The following TMEM192 variants were observed in gnomAD, a reference collection of about 807,000 sequenced individuals.
TMEM192 encodes transmembrane protein 192.
A neutral mutation model predicts 26.7 loss-of-function variants in TMEM192; 20 were observed. The observed-to-expected ratio is 0.75, with a 90% CI of 0.53 to 1.09. The LOEUF (loss-of-function observed/expected upper bound fraction) is 1.09, where lower values mean the gene tolerates loss of function less well. TMEM192 is among the 50% of genes least tolerant of loss of function. TMEM192 has a pLI of 0.00. For missense variants in TMEM192, 304 were observed against 322.6 expected, an observed-to-expected ratio of 0.94 and a Z score of 0.44; for synonymous variants, 124 against 121.0, an observed-to-expected ratio of 1.02 and a Z score of -0.16.
At chr4:165,104,986 A>T (rs1735131562) in intron 1 of TMEM192, among the ~76,000 whole-genome samples, 1 of 152,112 alleles carries the variant, frequency 6.6e-6, no homozygotes, top group African/African-American at 2.4e-5. Flanking sequence ...TCCCTTAGCT[A>T]ATGTCTGTGC....
chr4:165,090,951 T>C (rs190445120), intron 3 of TMEM192, among the ~76,000 whole-genome samples: 7 of 113,216 alleles, frequency 6.2e-5, no homozygotes, highest in South Asian at 3.2e-4. Context: ...CCCTAGTATA[T>C]AGCTGGTAGG....
intron 3 of TMEM192, among the ~76,000 whole-genome samples, chr4:165,100,413 A>G (rs1347941176): frequency 2.0e-5 from 3 of 152,058 alleles, no homozygotes; most frequent in African/African-American, 7.2e-5. Context: ...CCACCTCAGC[A>G]TTCCAAAGTG....
intron 5 of TMEM192, 121 bp from the exon 6 acceptor site, chr4:165,079,917 G>A: frequency 1.1e-6 from 1 of 871,218 alleles, no homozygotes; most frequent in Non-Finnish European, 1.6e-6. Flanking sequence ...TTTCTTAGAT[G>A]TCAGAAGCCA....
At position 165,080,414 on chromosome 4, in the gene TMEM192, TTAAGA is replaced by T. The variant is rs1264874496; in HGVS notation, c.678-623_678-619del. Among the ~76,000 whole-genome samples the T allele has an allele frequency of 5.9e-5, 9 of 152,236 alleles. No individual in the cohort carries two copies. The East Asian group carries it at 1.5e-3, about 26-fold the overall frequency. On this transcript the variant is annotated intron_variant, in intron 5 of 5. Transcript: ENST00000306480. ...GTGTTTTTAATTTCCTTCCACTAAT[TTAAGA>T]TATTAGTACTAGGAATAGTGATGAT...
At chr4:165,100,060 G>C (rs1735002540) in intron 3 of TMEM192, among the ~76,000 whole-genome samples, 1 of 152,052 alleles carries the variant, frequency 6.6e-6, no homozygotes, top group African/African-American at 2.4e-5. Context: ...TAACAAAAGA[G>C]GGTATAATTC....
In TMEM192 at chr4:165,079,777, C is replaced by A. The variant is rs1053910124; in HGVS notation, c.697G>T (p.Glu233Ter). ...GTGTCTCCTTGCTTTTCAACAATTT[C>A]TTCTAGGCTTGAAATAGTTCTGCAA... ...TGFRTISSLE[E>*]IVEKQGDTIE... The change falls in exon 6 of 6, where the codon GAA becomes TAA. Residue 233 changes from glutamate to a stop codon, truncating the protein, a stop_gained. Transcript: ENST00000306480. LOFTEE classifies it low-confidence loss of function (END_TRUNC). The A allele has an allele frequency of 6.2e-7, 1 of 1,613,852 alleles. No individual in the cohort carries two copies. Among genetic ancestry groups the A allele is most frequent in the Non-Finnish European group, 8.5e-7 (1 of 1,179,904 alleles).
chr4:165,095,888 C>A (rs1186610851), intron 3 of TMEM192, among the ~76,000 whole-genome samples: 1 of 151,994 alleles, frequency 6.6e-6, no homozygotes, highest in Non-Finnish European at 1.5e-5. Context: ...AATTCTCCTG[C>A]CTCAGCCTCC....
intron 1 of TMEM192, among the ~76,000 whole-genome samples, chr4:165,103,706 G>A (rs71618431): frequency 6.6e-6 from 1 of 152,060 alleles, no homozygotes; most frequent in African/African-American, 2.4e-5. Flanking sequence ...ATTTTTAGTA[G>A]AGATGGGGTT....
chr4:165,077,165 AGAAAAATGTTGAT>A lies in TMEM192; in HGVS notation c.*2480_*2492del, dbSNP rs1734402038. On this transcript the variant is annotated 3_prime_UTR_variant, in exon 6 of 6. Coordinates refer to ENST00000306480, the MANE Select transcript of TMEM192 (RefSeq NM_001100389.2). ...GTTTGAAATGTTCATCATTGCATTCAGAAAAATGTTGATGATTATACAACAAACATGTTGATGA... is the reference window on the plus strand; with the variant it reads ...GTTTGAAATGTTCATCATTGCATTCAGATTATACAACAAACATGTTGATGA... 1 of 152,234 alleles carries A rather than the reference AGAAAAATGTTGAT, an allele frequency of 6.6e-6. No individual in the cohort carries two copies. Among genetic ancestry groups the A allele is most frequent in the Non-Finnish European group, 1.5e-5 (1 of 68,044 alleles). The allele number at this position is 152,234 out of a possible 1,614,324, so 9.4% of individuals were successfully genotyped here. A position where few individuals can be genotyped will look rare whatever the true frequency, so the allele number is the denominator to read the frequency against.
chr4:165,072,842 A>C lies in TMEM192; in HGVS notation c.*6816T>G, dbSNP rs546875489. 1 of 152,300 alleles carries C rather than the reference A, an allele frequency of 6.6e-6. No homozygotes were observed. The highest frequency in any genetic ancestry group is 2.1e-4 in the South Asian group (1 of 4,824). The allele number at this position is 152,300 out of a possible 1,614,324, so 9.4% of individuals were successfully genotyped here. A position where few individuals can be genotyped will look rare whatever the true frequency, so the allele number is the denominator to read the frequency against. On this transcript the variant is annotated 3_prime_UTR_variant, in exon 6 of 6. Coordinates refer to ENST00000306480, the MANE Select transcript of TMEM192 (RefSeq NM_001100389.2). Reference sequence around the variant, plus strand: ...ACCCAAGTAGTGATCTAGAAGGGGCAGTTGGACACATAAGTCTGGAGTTCA... The same window carrying C: ...ACCCAAGTAGTGATCTAGAAGGGGCCGTTGGACACATAAGTCTGGAGTTCA...
Position 165,097,493 on chromosome 4 carries a change from C to CAAAAAAAAAAAAAA in TMEM192, c.439+3121_439+3134dup. On this transcript the variant is annotated intron_variant, in intron 3 of 5. Coordinates refer to ENST00000306480, the MANE Select transcript of TMEM192 (RefSeq NM_001100389.2). ...TGGGTGACAGAGCGAGACTCCATCT[C>CAAAAAAAAAAAAAA]AAAAAAAAAAAAAAAAAGAAAAAAG... is the stretch of plus-strand genomic sequence containing the variant. Among the ~76,000 whole-genome samples, 2 of 58,990 alleles carry CAAAAAAAAAAAAAA rather than the reference C, an allele frequency of 3.4e-5. 1 individual carries two copies. Among genetic ancestry groups the CAAAAAAAAAAAAAA allele is most frequent in the African/African-American group, 1.2e-4 (2 of 16,700 alleles). 38.7% of individuals were successfully genotyped at this position (58,990 alleles called of 152,430 possible). A position where few individuals can be genotyped will look rare whatever the true frequency, so the allele number is the denominator to read the frequency against.
intron 1 of TMEM192, among the ~76,000 whole-genome samples, chr4:165,111,243 A>C (rs1332221488): frequency 6.6e-6 from 1 of 151,868 alleles, no homozygotes; most frequent in Non-Finnish European, 1.5e-5. Flanking sequence ...ACAGGCCCCC[A>C]CCACCCCACC....
At chr4:165,088,844 G>C (rs1217937775) in intron 3 of TMEM192, among the ~76,000 whole-genome samples, 2 of 151,620 alleles carry the variant, frequency 1.3e-5, no homozygotes, top group Non-Finnish European at 2.9e-5. Flanking sequence ...GTCGAGACCA[G>C]CTTAGGCAAC....
chr4:165,096,133 C>T (rs1415409829), intron 3 of TMEM192, among the ~76,000 whole-genome samples: 24 of 151,726 alleles, frequency 1.6e-4, no homozygotes, highest in East Asian at 4.0e-4. Context: ...TTAGGCCGGG[C>T]GCAGTGGCTC....
At position 165,077,005 on chromosome 4, in the gene TMEM192, T is replaced by C. The variant is rs1283996853; in HGVS notation, c.*2653A>G. 6.6e-6 allele frequency: 1 copy of C among 152,230 alleles called. No individual in the cohort carries two copies. Among genetic ancestry groups the C allele is most frequent in the Non-Finnish European group, 1.5e-5 (1 of 68,056 alleles). The allele number at this position is 152,230 out of a possible 1,614,324, so 9.4% of individuals were successfully genotyped here. A position where few individuals can be genotyped will look rare whatever the true frequency, so the allele number is the denominator to read the frequency against. ...TAGTAAAGATGGGGTTTTACTATGTTGGCCAGGCTGGTCTTGAGCTCCTAA... is the reference window on the plus strand; with the variant it reads ...TAGTAAAGATGGGGTTTTACTATGTCGGCCAGGCTGGTCTTGAGCTCCTAA... On this transcript the variant is annotated 3_prime_UTR_variant, in exon 6 of 6. Coordinates refer to ENST00000306480, the MANE Select transcript of TMEM192 (RefSeq NM_001100389.2).
chr4:165,109,246 G>A (rs187474203), intron 1 of TMEM192, among the ~76,000 whole-genome samples: 16 of 152,292 alleles, frequency 1.1e-4, no homozygotes, highest in Non-Finnish European at 1.9e-4. Flanking sequence ...TATGTCCTTT[G>A]TGCTTTTAAC....
In TMEM192 at chr4:165,095,640, T is replaced by C. The variant is rs542066015; in HGVS notation, c.439+4988A>G. Among the ~76,000 whole-genome samples the C allele has an allele frequency of 5.9e-5, 9 of 152,314 alleles. No individual in the cohort carries two copies. The East Asian group carries it at 1.7e-3, about 29-fold the overall frequency. On this transcript the variant is annotated intron_variant, in intron 3 of 5. Coordinates refer to ENST00000306480, the MANE Select transcript of TMEM192 (RefSeq NM_001100389.2). ...TCCTCAGCCTCTGGCTTTACACTTT[T>C]AGGCCCCAGAGAGACTGACTGGACC...
intron 3 of TMEM192, among the ~76,000 whole-genome samples, chr4:165,091,454 T>C (rs1734761440): frequency 6.6e-6 from 1 of 152,122 alleles, no homozygotes; most frequent in Non-Finnish European, 1.5e-5. Context: ...ACCCAGATGG[T>C]TTCTGCTGAA....
chr4:165,091,037 G>A (rs1017941342), intron 3 of TMEM192, among the ~76,000 whole-genome samples: 1 of 151,736 alleles, frequency 6.6e-6, no homozygotes, highest in South Asian at 2.1e-4. Flanking sequence ...AGGATGAGGC[G>A]GGCGGATCAC....
Sources: gnomAD v4.1 joint callset for allele counts (sites outside exome capture counted in the v4.1 genomes callset) on GRCh38, gnomAD v4.1.1 for gene constraint, MANE v1.5 for transcripts, NCBI Gene and HGNC (gene_info 2026-07-23, HGNC 2026-07-21) for gene names.